The following ZNF324B variants were observed in gnomAD, a reference collection of about 807,000 sequenced individuals.
The protein encoded by ZNF324B is zinc finger protein 324B.
A neutral mutation model predicts 10.6 loss-of-function variants in ZNF324B; 7 were observed. That is an observed-to-expected ratio of 0.66 (90% confidence interval 0.38 to 1.24). The LOEUF is 1.24. Ranked by LOEUF, ZNF324B falls within the 50% of genes most tolerant of loss-of-function variation. The probability of loss-of-function intolerance (pLI) is 0.02; values close to 1 mark genes in which losing one functional copy is unlikely to be tolerated. For missense variants in ZNF324B, 640 were observed against 764.7 expected (o/e 0.84, Z 1.92); for synonymous variants, 316 against 321.0 (o/e 0.98, Z 0.17).
At position 58,454,340 on chromosome 19, in the gene ZNF324B, C is replaced by G; in HGVS notation, c.234C>G (p.Asn78Lys). The G allele has an allele frequency of 6.2e-7, 1 of 1,610,408 alleles. No individual in the cohort carries two copies. Among genetic ancestry groups the G allele is most frequent in the Non-Finnish European group, 8.5e-7 (1 of 1,176,558 alleles). The stretch of plus-strand genomic sequence containing the variant: ...CCAGGAACACCTACGGGAGGCTCAA[C>G]TCTGGTGAGTGGGAGCTCAGGTGGG... ...TLARNTYGRL[N>K]SGSWSLTEDR... The change falls in exon 3 of 4, where the codon AAC (asparagine) becomes AAG (lysine). Residue 78 changes from asparagine (N) to lysine (K), a missense_variant. By Grantham distance (94) the Asn-to-Lys change is moderately conservative. Transcript: ENST00000336614.
chr19:58,427,097 T>G, the ZNF324B span, among the ~76,000 whole-genome samples: 1 of 152,158 alleles, frequency 6.6e-6, no homozygotes, highest in Admixed American at 6.6e-5. Context: ...TACTCATGTA[T>G]TAGGAATCTT....
the ZNF324B span, among the ~76,000 whole-genome samples, chr19:58,426,802 A>G: frequency 6.6e-6 from 1 of 152,224 alleles, no homozygotes; most frequent in Non-Finnish European, 1.5e-5. Flanking sequence ...GAAGAGAACT[A>G]CCATTGCATA....
chr19:58,428,734 A>T, the ZNF324B span: 1 of 152,196 alleles, frequency 6.6e-6, no homozygotes, highest in Non-Finnish European at 1.5e-5. Flanking sequence ...TCACTTGGCC[A>T]TAGTCATTGG....
upstream of ZNF324B, among the ~76,000 whole-genome samples, chr19:58,449,737 A>G (rs191133601): frequency 2.1e-4 from 32 of 152,218 alleles, no homozygotes; most frequent in Middle Eastern, 3.4e-3. Context: ...GAATGGGTGT[A>G]TTTATCCAAC....
chr19:58,432,524 G>A, the ZNF324B span, among the ~76,000 whole-genome samples: 1 of 152,118 alleles, frequency 6.6e-6, no homozygotes, highest in African/African-American at 2.4e-5. Context: ...ACCCCTCTAG[G>A]TCTTTGCCTT....
At chr19:58,436,892 G>T in the ZNF324B span, 1 of 998,718 alleles carries the variant, frequency 1.0e-6, no homozygotes, top group South Asian at 1.3e-5. Context: ...GACAGGGGAA[G>T]TACACACAGC....
intron 3 of ZNF324B, chr19:58,454,919 A>C: frequency 1.6e-6 from 1 of 618,526 alleles, no homozygotes; most frequent in Non-Finnish European, 2.9e-6. Flanking sequence ...GGCACGCAGC[A>C]GCTGCTGTTT....
chr19:58,454,395 C>A, intron 3 of ZNF324B, 51 bp downstream of exon 3: 1 of 1,186,078 alleles, frequency 8.4e-7, no homozygotes, highest in Non-Finnish European at 1.3e-6. Context: ...GTGGCCAAGC[C>A]CATGTCCCTG....
Position 58,456,308 on chromosome 19 carries a change from G to C in ZNF324B, c.1364G>C (p.Cys455Ser), listed in dbSNP as rs1365873817. ...LLHTGERPFR[C>S]VDCGKGFAKG... ...CACACGGGCGAGCGGCCCTTCCGCTGCGTGGACTGTGGCAAGGGTTTCGCC... is the reference window on the plus strand; with the variant it reads ...CACACGGGCGAGCGGCCCTTCCGCTCCGTGGACTGTGGCAAGGGTTTCGCC... Residue 455 changes from cysteine to serine, a missense_variant, in exon 4 of 4, where the codon TGC (cysteine) becomes TCC (serine). Coordinates refer to ENST00000336614, the MANE Select transcript of ZNF324B (RefSeq NM_207395.3). The surrounding 1 kb of genome is among the most constrained non-coding windows in gnomAD (Gnocchi z 4.7). 2 of 1,612,820 alleles carry C rather than the reference G, an allele frequency of 1.2e-6. No individual in the cohort carries two copies. The highest frequency in any genetic ancestry group is 1.3e-5 in the African/African-American group (1 of 74,936).
chr19:58,426,778 C>G, the ZNF324B span, among the ~76,000 whole-genome samples: 1 of 152,190 alleles, frequency 6.6e-6, no homozygotes, highest in Non-Finnish European at 1.5e-5. Flanking sequence ...CAAGGAACTG[C>G]CCAGTAGATT....
chr19:58,431,467 C>G, the ZNF324B span, among the ~76,000 whole-genome samples: 2 of 152,096 alleles, frequency 1.3e-5, no homozygotes, highest in Non-Finnish European at 2.9e-5. Context: ...TGCTATGTTG[C>G]CCTGGATGGA....
Position 58,455,284 on chromosome 19 carries a change from G to T in ZNF324B, c.340G>T (p.Asp114Tyr). The change falls in exon 4 of 4, where the codon GAT (aspartate) becomes TAT (tyrosine). Residue 114 changes from aspartate to tyrosine, a missense_variant. Transcript: ENST00000336614. The surrounding 1 kb of genome is among the most constrained non-coding windows in gnomAD (Gnocchi z 7.0). The stretch of plus-strand genomic sequence containing the variant: ...GACTACTAGCGTCTTCCCAGTTGCC[G>T]ATGCCTGCCACAGTGTAAAAAGCCT... The part of the protein sequence containing the change: ...GMTTSVFPVA[D>Y]ACHSVKSLQR... The T allele has an allele frequency of 1.2e-6, 2 of 1,614,202 alleles. No homozygotes were observed. Among genetic ancestry groups the T allele is most frequent in the Non-Finnish European group, 1.7e-6 (2 of 1,180,036 alleles).
At chr19:58,424,015 G>A in the ZNF324B span, among the ~76,000 whole-genome samples, 22 of 152,022 alleles carry the variant, frequency 1.4e-4, no homozygotes, top group East Asian at 3.1e-3. Context: ...CGAGGCGGAC[G>A]GATCACCAGA....
chr19:58,433,992 T>C, the ZNF324B span: 5 of 1,614,244 alleles, frequency 3.1e-6, no homozygotes, highest in South Asian at 4.4e-5. Context: ...CAAAAGGCCG[T>C]TCTCCAGTGT....
chr19:58,422,503 A>C, the ZNF324B span, among the ~76,000 whole-genome samples: 1 of 152,142 alleles, frequency 6.6e-6, no homozygotes, highest in Non-Finnish European at 1.5e-5. Context: ...TATTTAGAAA[A>C]ACCTAGACCC....
At chr19:58,420,808 A>G in the ZNF324B span, among the ~76,000 whole-genome samples, 1 of 151,596 alleles carries the variant, frequency 6.6e-6, no homozygotes, top group Non-Finnish European at 1.5e-5. Flanking sequence ...CCCAGGGTCA[A>G]GTGATTCTCA....
At position 58,457,688 on chromosome 19, in the gene ZNF324B, G is replaced by C. The variant is rs2052935847; in HGVS notation, c.*1109G>C. 1 of 152,190 alleles carries C rather than the reference G, an allele frequency of 6.6e-6. No homozygotes were observed. The highest frequency in any genetic ancestry group is 2.1e-4 in the South Asian group (1 of 4,822). 9.4% of individuals were successfully genotyped at this position (152,190 alleles called of 1,614,324 possible). ...CCTGCATGGCAGAGACAAAAGGGTA[G>C]ACTGGGGGTCATTTGCTTCCTGTGG... is the stretch of plus-strand genomic sequence containing the variant. On this transcript the variant is annotated 3_prime_UTR_variant, in exon 4 of 4. Coordinates refer to ENST00000336614, the MANE Select transcript of ZNF324B (RefSeq NM_207395.3).
At position 58,452,088 on chromosome 19, in the gene ZNF324B, T is replaced by TG. The variant is rs1174881412; in HGVS notation, c.-7+391dup. The TG allele has an allele frequency of 9.2e-5, 16 of 174,670 alleles. No individual in the cohort carries two copies. In the South Asian group the frequency reaches 1.2e-3, roughly 13 times the overall value. The allele number at this position is 174,670 out of a possible 1,614,324, so 10.8% of individuals were successfully genotyped here. On this transcript the variant is annotated intron_variant, in intron 1 of 3. Transcript: ENST00000336614. ...CTAGTCGTCTTTCCTCTCCCTGCCCTGGGGGGGTTGCGGGGGTCAGTGCAA... is the reference window on the plus strand; with the variant it reads ...CTAGTCGTCTTTCCTCTCCCTGCCCTGGGGGGGGTTGCGGGGGTCAGTGCAA...
rs769756038 is a variant in ZNF324B, at chr19:58,455,437, C to A, written c.493C>A (p.Pro165Thr). 1.9e-6 allele frequency: 3 copies of A among 1,614,060 alleles called. No homozygotes were observed. In the African/African-American group the frequency reaches 4.0e-5, roughly 22 times the overall value. The stretch of plus-strand genomic sequence containing the variant: ...CAGCATCAGCCTGCGACTGACCTCC[C>A]CACTCAGGCCCCCCAAGAGCAGCCG... ...QASISLRLTS[P>T]LRPPKSSRPR... The change falls in exon 4 of 4, where the codon CCA (proline) becomes ACA (threonine). Residue 165 changes from proline to threonine, a missense_variant. Pro to Thr is a conservative substitution (Grantham distance 38, BLOSUM62 -1). Coordinates refer to ENST00000336614, the MANE Select transcript of ZNF324B (RefSeq NM_207395.3). The surrounding 1 kb of genome is among the most constrained non-coding windows in gnomAD (Gnocchi z 7.0).
Sources: allele counts gnomAD v4.1 joint callset (sites outside exome capture counted in the v4.1 genomes callset), GRCh38; gene constraint gnomAD v4.1.1; non-coding constraint Gnocchi (gnomAD v3.1); transcripts MANE v1.5; gene names NCBI Gene and HGNC (gene_info 2026-07-23, HGNC 2026-07-21).